Variants in PHKA2 observed in about 807,000 individuals in gnomAD.
The protein encoded by PHKA2 is phosphorylase kinase regulatory subunit alpha 2, also known as phosphorylase b kinase regulatory subunit alpha, liver isoform.
In PHKA2, 31 loss-of-function variants were observed where a neutral mutation model predicts 102.0. That is an observed-to-expected ratio of 0.30 (90% CI 0.23 to 0.41). The LOEUF is 0.41. Ranked by LOEUF, PHKA2 falls within the 10% of genes least tolerant of loss-of-function variation. PHKA2 has a pLI of 1.00. For synonymous variants in PHKA2, 455 were observed against 416.2 expected, an observed-to-expected ratio of 1.09 and a Z score of -1.13; for missense variants, 858 against 1,023.1, an observed-to-expected ratio of 0.84 and a Z score of 2.20.
At chrX:18,975,283 G>A (rs907994250) in intron 1 of PHKA2, among the ~76,000 whole-genome samples, 1 of 111,560 alleles carries the variant, frequency 9.0e-6, no homozygotes, top group Non-Finnish European at 1.9e-5. Flanking sequence ...TCGTGATAGC[G>A]AGTAAGTCTC....
intron 7 of PHKA2, among the ~76,000 whole-genome samples, chrX:18,943,149 G>T (rs2147966897): frequency 8.9e-6 from 1 of 111,875 alleles, no homozygotes; most frequent in African/African-American, 3.2e-5. Flanking sequence ...CTAAATAAGA[G>T]TTTGCTGAGG....
chrX:18,905,710 G>T, intron 26 of PHKA2, 48 bp downstream of exon 26: 1 of 847,510 alleles, frequency 1.2e-6, no homozygotes, highest in Non-Finnish European at 1.8e-6. Context: ...TCTGCTGCAT[G>T]TAAAGGAGGC....
At chrX:18,982,244 T>C (rs1046720589) in intron 1 of PHKA2, among the ~76,000 whole-genome samples, 4 of 111,794 alleles carry the variant, frequency 3.6e-5, no homozygotes, top group African/African-American at 6.5e-5. Context: ...ATCCTTCATG[T>C]GCAATCTCAA....
At chrX:18,964,781 T>A (rs1324208464) in intron 1 of PHKA2, among the ~76,000 whole-genome samples, 1 of 112,735 alleles carries the variant, frequency 8.9e-6, no homozygotes, top group Non-Finnish European at 1.9e-5. Flanking sequence ...TCTTTTTAAG[T>A]TAGTTTAAAA....
chrX:18,901,299 G>A (rs757821842), intron 27 of PHKA2, among the ~76,000 whole-genome samples, 186 bp downstream of exon 27: 1 of 111,100 alleles, frequency 9.0e-6, no homozygotes, highest in East Asian at 2.8e-4. Context: ...GTGGGTAAGG[G>A]TGCGCATGAC....
At chrX:18,966,543 T>C (rs1044411705) in intron 1 of PHKA2, among the ~76,000 whole-genome samples, 1 of 112,305 alleles carries the variant, frequency 8.9e-6, no homozygotes, top group African/African-American at 3.2e-5. Flanking sequence ...TTTTTTTCTA[T>C]GAATTACTCA....
chrX:18,900,171 G>A (rs771370910), intron 28 of PHKA2, among the ~76,000 whole-genome samples: 113 of 111,669 alleles, frequency 1.0e-3, no homozygotes, highest in African/African-American at 3.2e-3. Flanking sequence ...AGGCTCTTGT[G>A]GTAATACACA....
chrX:18,980,091 T>A, intron 1 of PHKA2, among the ~76,000 whole-genome samples: 1 of 112,897 alleles, frequency 8.9e-6, no homozygotes, highest in Non-Finnish European at 1.9e-5. Context: ...TGTGCCTTGT[T>A]AACAAAATGT....
rs369001472 is a variant in PHKA2 at position 18,893,503 on chromosome X, C to A, written c.3690G>T (p.Ser1230=). 4 of 1,211,219 alleles carry A rather than the reference C, an allele frequency of 3.3e-6. No homozygotes were observed. Among genetic ancestry groups the A allele is most frequent in the Non-Finnish European group, 4.5e-6 (4 of 895,062 alleles). ...TGAGACCCTATTGCATCTGGCAGCCCGAATTGGGCAACAATTCCTGCAAAT... is the reference window on the plus strand; with the variant it reads ...TGAGACCCTATTGCATCTGGCAGCCAGAATTGGGCAACAATTCCTGCAAAT... ...ASYLQELLPN[S]GCQMQ The change falls in exon 33 of 33, where the codon TCG becomes TCT. Residue 1230 remains serine, a synonymous_variant. Transcript: ENST00000379942.
At chrX:18,894,437 A>G (rs776883026) in intron 31 of PHKA2, 33 bp from the exon 32 acceptor site, 2 of 1,115,459 alleles carry the variant, frequency 1.8e-6, no homozygotes, top group African/African-American at 1.8e-5. Context: ...ACCACCAGTG[A>G]GAGGACAGAT....
At chrX:18,900,803 G>A in intron 27 of PHKA2, 104 bp from the exon 28 acceptor site, 3 of 680,617 alleles carry the variant, frequency 4.4e-6, no homozygotes, top group Non-Finnish European at 7.1e-6. Flanking sequence ...TGGTCAAACC[G>A]CAGGGGGTGA....
intron 30 of PHKA2, chrX:18,895,518 C>T: frequency 3.4e-6 from 1 of 290,449 alleles, no homozygotes; most frequent in Non-Finnish European, 6.2e-6. Flanking sequence ...CCTTTGGTGC[C>T]ATAATAAAGG....
chrX:18,956,779 G>A (rs1569329705), intron 1 of PHKA2, among the ~76,000 whole-genome samples: 1 of 112,914 alleles, frequency 8.9e-6, no homozygotes, highest in Non-Finnish European at 1.9e-5. Flanking sequence ...CTCTTGTTAA[G>A]TCTATAAAAA....
At chrX:18,924,670 G>A in intron 15 of PHKA2, 145 bp from the exon 16 acceptor site, 1 of 576,727 alleles carries the variant, frequency 1.7e-6, no homozygotes, top group South Asian at 2.5e-5. Context: ...TCATGGGGCT[G>A]CCCTGCTCAA....
At position 18,954,344 on chromosome X, in the gene PHKA2, G is replaced by A. The variant is rs768063119; in HGVS notation, c.147C>T (p.Tyr49=). The change falls in exon 2 of 33, where the codon TAC becomes TAT. Residue 49 remains tyrosine, a synonymous_variant. Coordinates refer to ENST00000379942, the MANE Select transcript of PHKA2 (RefSeq NM_000292.3). ...CCAGGCCCCACACGGCCAGGATACT[G>A]TAGATGTTATCCCGCACCCAGGCAT... The part of the protein sequence containing the change: ...QKDAWVRDNI[Y]SILAVWGLGM... 1.7e-5 allele frequency: 21 copies of A among 1,209,803 alleles called. No homozygotes were observed. Among genetic ancestry groups the A allele is most frequent in the Middle Eastern group, 2.3e-4 (1 of 4,371 alleles).
At chrX:18,955,068 A>G (rs1337794885) in intron 1 of PHKA2, among the ~76,000 whole-genome samples, 6 of 113,016 alleles carry the variant, frequency 5.3e-5, no homozygotes, top group African/African-American at 1.9e-4. Context: ...AGCATTATTC[A>G]CAAAAGCCAA....
chrX:18,894,073 T>C (rs1344872233), intron 32 of PHKA2, 131 bp downstream of exon 32: 5 of 624,402 alleles, frequency 8.0e-6, no homozygotes, highest in African/African-American at 4.4e-5. Context: ...TCTAAGCAAG[T>C]GGTTGACATT....
chrX:18,969,908 A>C (rs138510019), intron 1 of PHKA2, among the ~76,000 whole-genome samples: 95 of 112,587 alleles, frequency 8.4e-4, no homozygotes, highest in African/African-American at 2.8e-3. Context: ...TTATTGTTCT[A>C]TAACTTGCTT....
intron 7 of PHKA2, among the ~76,000 whole-genome samples, chrX:18,942,887 C>A (rs1486782919): frequency 9.3e-6 from 1 of 107,827 alleles, no homozygotes; most frequent in Non-Finnish European, 1.9e-5. Context: ...CCAAGAAATA[C>A]CGGGACTACC....
Sources: gnomAD v4.1 joint callset for allele counts (sites outside exome capture counted in the v4.1 genomes callset) on GRCh38, gnomAD v4.1.1 for gene constraint, MANE v1.5 for transcripts, NCBI Gene and HGNC (gene_info 2026-07-23, HGNC 2026-07-21) for gene names.